ART3: variants seen among roughly 807,000 people sequenced by gnomAD.
ART3 encodes ADP-ribosyltransferase 3 (inactive).
Under a neutral mutation model 48.5 loss-of-function variants are expected in ART3, and 49 were observed. That is an observed-to-expected ratio of 1.01 (90% confidence interval 0.80 to 1.28). The LOEUF is 1.28. ART3 is among the 50% of genes most tolerant of loss of function. The probability of loss-of-function intolerance (pLI) is 0.00; values close to 1 mark genes in which losing one functional copy is unlikely to be tolerated. For synonymous variants in ART3, 145 were observed against 157.2 expected, an observed-to-expected ratio of 0.92 and a Z score of 0.58; for missense variants, 438 against 454.3, an observed-to-expected ratio of 0.96 and a Z score of 0.33.
rs141971505 is a variant in ART3, at chr4:76,021,843, A to G, written c.-10+10523A>G. ...ACTAAGAACAATTATGGCTTGACAT[A>G]TACTCCATGTAGGGAAGTGATGGGA... On this transcript the variant is annotated intron_variant, in intron 1 of 9. Coordinates refer to the ART3 transcript ENST00000341029. 1.8e-4 allele frequency: 230 copies of G among 1,266,132 alleles called. 1 individual carries two copies. In the African/African-American group the frequency reaches 3.0e-3, roughly 17 times the overall value. 78.4% of individuals were successfully genotyped at this position (1,266,132 alleles called of 1,614,324 possible).
Position 76,112,465 on chromosome 4 carries a change from G to T in ART3, c.1116G>T (p.Gly372=), listed in dbSNP as rs369133164. 3 of 1,614,098 alleles carry T rather than the reference G, an allele frequency of 1.9e-6. No individual in the cohort carries two copies. The highest frequency in any genetic ancestry group is 2.5e-6 in the Non-Finnish European group (3 of 1,179,990). Residue 372 remains glycine (G), a synonymous_variant, in exon 12 of 12, where the codon GGG becomes GGT. Coordinates refer to ENST00000355810, the MANE Select transcript of ART3 (RefSeq NM_001130016.3). The part of the protein sequence containing the change: ...SSGKLLLPQF[G]MVIILISVSA... ...GCAAACTGCTGCTTCCACAGTTTGG[G>T]ATGGTCATCATTTTAATCAGTGTTT...
chr4:76,059,828 A>G (rs139144535), intron 1 of ART3, among the ~76,000 whole-genome samples: 24 of 152,342 alleles, frequency 1.6e-4, no homozygotes, highest in Admixed American at 9.2e-4. Flanking sequence ...AAGTTTGTAC[A>G]TGTCTCACAG....
chr4:76,059,386 G>T (rs12510335), intron 1 of ART3, among the ~76,000 whole-genome samples: 31 of 143,288 alleles, frequency 2.2e-4, no homozygotes, highest in East Asian at 6.1e-4. Flanking sequence ...TTTTTTTCCT[G>T]AGCTTTATTT....
intron 8 of ART3, among the ~76,000 whole-genome samples, chr4:76,101,267 T>G (rs552775540): frequency 1.4e-4 from 22 of 152,352 alleles, no homozygotes; most frequent in African/African-American, 4.6e-4. Flanking sequence ...AAGGTGTGAC[T>G]AATTATTCCC....
At chr4:76,034,278 C>T (rs765218044) in intron 1 of ART3, 12 of 396,362 alleles carry the variant, frequency 3.0e-5, no homozygotes, top group Non-Finnish European at 5.3e-5. Flanking sequence ...ATGCTTTTGA[C>T]TTATAAGGGC....
At chr4:76,065,837 T>C (rs114341249) in intron 1 of ART3, among the ~76,000 whole-genome samples, 1,656 of 152,138 alleles carry the variant, frequency 0.011, 20 homozygotes, top group Non-Finnish European at 0.018. Context: ...ACGCATTATT[T>C]TGAAAATACT....
chr4:76,076,284 G>A (rs550124452), intron 2 of ART3, among the ~76,000 whole-genome samples: 40 of 152,202 alleles, frequency 2.6e-4, no homozygotes, highest in Non-Finnish European at 4.7e-4. Context: ...GATTACAGGC[G>A]TGAGCCACCG....
At chr4:76,094,517 C>G (rs1216591825) in intron 3 of ART3, among the ~76,000 whole-genome samples, 2 of 152,108 alleles carry the variant, frequency 1.3e-5, no homozygotes, top group African/African-American at 4.8e-5. Flanking sequence ...AGTTAATTTA[C>G]TTTAGAACAG....
chr4:76,100,762 G>A (rs72655511), intron 6 of ART3, 33 bp from the exon 7 acceptor site: 144,105 of 1,600,874 alleles, frequency 0.09, 7,799 homozygotes, highest in African/African-American at 0.22. Context: ...TTGTTCCTTC[G>A]TTAAAACTGA....
At chr4:76,102,038 T>G (rs1330462139) in intron 8 of ART3, among the ~76,000 whole-genome samples, 1 of 152,030 alleles carries the variant, frequency 6.6e-6, no homozygotes, top group African/African-American at 2.4e-5. Flanking sequence ...CAATTGGCTT[T>G]ATTTGAGATT....
chr4:76,057,933 G>A (rs1718845768), intron 1 of ART3: 1 of 152,122 alleles, frequency 6.6e-6, no homozygotes, highest in African/African-American at 2.4e-5. Context: ...AACTCACTTT[G>A]GTTTTTATTT....
intron 1 of ART3, among the ~76,000 whole-genome samples, chr4:76,018,145 A>T (rs74461345): frequency 0.025 from 3,858 of 152,306 alleles, 150 homozygotes; most frequent in African/African-American, 0.086. Flanking sequence ...ACACGTGCAC[A>T]TGTATGTCAT....
At chr4:76,094,322 A>G (rs541815669) in intron 3 of ART3, among the ~76,000 whole-genome samples, 1 of 152,322 alleles carries the variant, frequency 6.6e-6, no homozygotes, top group South Asian at 2.1e-4. Context: ...TTCTGATAAT[A>G]CTAACATTTG....
chr4:76,112,704 C>A lies in ART3; in HGVS notation c.*185C>A. The A allele has an allele frequency of 1.8e-6, 1 of 551,802 alleles. No individual in the cohort carries two copies. The highest frequency in any genetic ancestry group is 3.0e-6 in the Non-Finnish European group (1 of 335,378). 34.2% of individuals were successfully genotyped at this position (551,802 alleles called of 1,614,324 possible). A position where few individuals can be genotyped will look rare whatever the true frequency, so the allele number is the denominator to read the frequency against. ...TCCAGATATATGTCACAGAACTTTT[C>A]ACTTGTATACTACTCTTACAATGGA... On this transcript the variant is annotated 3_prime_UTR_variant, in exon 12 of 12. Transcript: ENST00000355810.
chr4:76,101,033 G>A lies in ART3; in HGVS notation c.937+14G>A, dbSNP rs370843603. On this transcript the variant is annotated intron_variant, in intron 8 of 11. Coordinates refer to ENST00000355810, the MANE Select transcript of ART3 (RefSeq NM_001130016.3). ...TTGAAGACCATGGTAAGACATTTAT[G>A]TAAATTCTGGGGGCTTACATTTTGC... The A allele has an allele frequency of 6.2e-7, 1 of 1,611,674 alleles. No homozygotes were observed. Among genetic ancestry groups the A allele is most frequent in the Non-Finnish European group, 8.5e-7 (1 of 1,179,196 alleles).
intron 1 of ART3, among the ~76,000 whole-genome samples, chr4:76,048,728 G>T (rs1292886758): frequency 2.0e-5 from 3 of 151,938 alleles, no homozygotes; most frequent in African/African-American, 7.2e-5. Flanking sequence ...GTCGGATTTA[G>T]TGGTCCTTAC....
At chr4:76,066,848 G>T (rs1289211480) in intron 1 of ART3, among the ~76,000 whole-genome samples, 1 of 152,160 alleles carries the variant, frequency 6.6e-6, no homozygotes, top group Non-Finnish European at 1.5e-5. Context: ...GCCTGACTTT[G>T]CTCCAAGATT....
At chr4:76,026,096 C>T (rs1332611930) in intron 1 of ART3, among the ~76,000 whole-genome samples, 1 of 151,824 alleles carries the variant, frequency 6.6e-6, no homozygotes, top group Non-Finnish European at 1.5e-5. Context: ...TCCTTCTCAA[C>T]CACTACAATC....
intron 1 of ART3, among the ~76,000 whole-genome samples, chr4:76,066,931 G>A (rs1719793533): frequency 6.6e-6 from 1 of 152,164 alleles, no homozygotes; most frequent in Non-Finnish European, 1.5e-5. Flanking sequence ...GGGCAGGGGG[G>A]CCTTCCCAGG....
Sources: allele counts gnomAD v4.1 joint callset (sites outside exome capture counted in the v4.1 genomes callset), GRCh38; gene constraint gnomAD v4.1.1; transcripts MANE v1.5; gene names NCBI Gene and HGNC (gene_info 2026-07-23, HGNC 2026-07-21).